The following DIP2B variants were observed in gnomAD, a reference collection of about 807,000 sequenced individuals.
DIP2B encodes the protein disco-interacting protein 2 homolog B.
DIP2B carries 76 observed loss-of-function variants against 198.0 expected under a neutral mutation model. The observed-to-expected ratio is 0.38, with a 90% CI of 0.32 to 0.46. The LOEUF (loss-of-function observed/expected upper bound fraction) is 0.46. Ranked by LOEUF, DIP2B falls within the 20% of genes least tolerant of loss-of-function variation. The probability of loss-of-function intolerance (pLI) is 0.99; values close to 1 mark genes in which losing one functional copy is unlikely to be tolerated. For missense variants in DIP2B, 1,559 were observed against 1,978.4 expected (o/e 0.79, Z 4.02); for synonymous variants, 701 against 739.1 (o/e 0.95, Z 0.84).
intron 1 of DIP2B, among the ~76,000 whole-genome samples, chr12:50,509,572 G>A (rs2139336976): frequency 6.6e-6 from 1 of 152,324 alleles, no homozygotes; most frequent in Middle Eastern, 3.4e-3. Flanking sequence ...TAGCTTTGTG[G>A]TCCTTAAAGC....
intron 1 of DIP2B, among the ~76,000 whole-genome samples, chr12:50,569,768 A>C (rs1484932210): frequency 6.6e-6 from 1 of 152,236 alleles, no homozygotes; most frequent in African/African-American, 2.4e-5. Context: ...TATAAATATC[A>C]GGTAAATATT....
chr12:50,646,622 G>A (rs760730437), intron 3 of DIP2B, among the ~76,000 whole-genome samples: 17 of 151,752 alleles, frequency 1.1e-4, no homozygotes, highest in Non-Finnish European at 2.2e-4. Context: ...AGGTTTCCCT[G>A]TGTTGGCCAG....
intron 10 of DIP2B, among the ~76,000 whole-genome samples, chr12:50,683,863 G>A (rs1939087661): frequency 6.6e-6 from 1 of 152,140 alleles, no homozygotes; most frequent in Admixed American, 6.6e-5. Context: ...TGTAATCCTA[G>A]CACTTTGGGA....
chr12:50,542,751 A>G (rs573025779), intron 1 of DIP2B, among the ~76,000 whole-genome samples: 5 of 152,234 alleles, frequency 3.3e-5, no homozygotes, highest in Non-Finnish European at 5.9e-5. Context: ...TTATGATTAC[A>G]CTGTTTCTCG....
chr12:50,544,283 G>C (rs1297316533), intron 1 of DIP2B, among the ~76,000 whole-genome samples: 1 of 151,870 alleles, frequency 6.6e-6, no homozygotes, highest in Non-Finnish European at 1.5e-5. Flanking sequence ...ACACCCAAGT[G>C]TAAACACTAA....
intron 14 of DIP2B, among the ~76,000 whole-genome samples, chr12:50,695,034 A>C (rs995438125): frequency 2.6e-5 from 4 of 152,152 alleles, no homozygotes; most frequent in Admixed American, 6.5e-5. Flanking sequence ...GATTGGAAGG[A>C]TATCTGTCAA....
In DIP2B at chr12:50,664,714, A is replaced by T. The variant is rs541404486; in HGVS notation, c.427+4395A>T. On this transcript the variant is annotated intron_variant, in intron 4 of 37. Coordinates refer to ENST00000301180, the MANE Select transcript of DIP2B (RefSeq NM_173602.3). Reference sequence around the variant, plus strand: ...AGACCACATAATGACCCTAAAGCACAGTAAGCTATTTCAACTAGCTTAAAT... The same window carrying T: ...AGACCACATAATGACCCTAAAGCACTGTAAGCTATTTCAACTAGCTTAAAT... 3.7e-4 allele frequency among the ~76,000 whole-genome samples: 57 copies of T among 152,270 alleles called. No homozygotes were observed. The East Asian group carries it at 6.6e-3, about 18-fold the overall frequency.
chr12:50,675,486 TA>T, intron 7 of DIP2B, 38 bp downstream of exon 7: 1 of 1,583,304 alleles, frequency 6.3e-7, no homozygotes, highest in Non-Finnish European at 8.6e-7. Flanking sequence ...ATTCATTAAA[TA>T]AATATATCTT....
At chr12:50,564,492 C>T (rs187016304) in intron 1 of DIP2B, among the ~76,000 whole-genome samples, 1 of 152,292 alleles carries the variant, frequency 6.6e-6, no homozygotes, top group Non-Finnish European at 1.5e-5. Flanking sequence ...GTTTATCCAG[C>T]TTTCTAATTG....
At chr12:50,586,294 T>C (rs1216330316) in intron 1 of DIP2B, among the ~76,000 whole-genome samples, 1 of 152,134 alleles carries the variant, frequency 6.6e-6, no homozygotes, top group Non-Finnish European at 1.5e-5. Context: ...TAGAATGGAT[T>C]GGAGGAGACA....
chr12:50,642,230 A>C (rs1320258405), intron 3 of DIP2B, among the ~76,000 whole-genome samples: 1 of 152,226 alleles, frequency 6.6e-6, no homozygotes, highest in African/African-American at 2.4e-5. Context: ...CATGGCAGAC[A>C]AACAAGAGTT....
At chr12:50,664,075 G>T (rs761831716) in intron 4 of DIP2B, among the ~76,000 whole-genome samples, 1 of 151,988 alleles carries the variant, frequency 6.6e-6, no homozygotes. Flanking sequence ...CTGGTTTCTG[G>T]GATAACTTCT....
chr12:50,571,141 CAA>C (rs1373831335), intron 1 of DIP2B, among the ~76,000 whole-genome samples: 1 of 147,972 alleles, frequency 6.8e-6, no homozygotes, highest in Non-Finnish European at 1.5e-5. Flanking sequence ...GGGAAGGTCT[CAA>C]AGAGAATATG....
intron 5 of DIP2B, among the ~76,000 whole-genome samples, chr12:50,671,983 G>T (rs981319939): frequency 2.0e-5 from 3 of 152,106 alleles, no homozygotes; most frequent in African/African-American, 4.8e-5. Context: ...TTTATGTTTT[G>T]TGTGTGTGTT....
intron 1 of DIP2B, among the ~76,000 whole-genome samples, chr12:50,561,918 A>C (rs1565825155): frequency 6.6e-6 from 1 of 152,308 alleles, no homozygotes; most frequent in African/African-American, 2.4e-5. Flanking sequence ...CTGTTCTACC[A>C]TCTCTTTTAT....
intron 23 of DIP2B, among the ~76,000 whole-genome samples, chr12:50,716,778 C>T (rs1939725479): frequency 6.6e-6 from 1 of 152,044 alleles, no homozygotes. Context: ...GTTTTATCAT[C>T]TTTTTGCCAT....
At chr12:50,634,586 G>T (rs1938123743) in intron 2 of DIP2B, among the ~76,000 whole-genome samples, 1 of 152,120 alleles carries the variant, frequency 6.6e-6, no homozygotes, top group African/African-American at 2.4e-5. Flanking sequence ...CTACTTAGGG[G>T]TTTGTTCAAT....
intron 28 of DIP2B, among the ~76,000 whole-genome samples, 192 bp downstream of exon 28, chr12:50,725,078 T>C (rs1430310465): frequency 6.6e-6 from 1 of 152,216 alleles, no homozygotes; most frequent in African/African-American, 2.4e-5. Flanking sequence ...CAGATCACAG[T>C]CTGCTAAGAG....
intron 8 of DIP2B, chr12:50,680,375 T>A: frequency 4.4e-6 from 1 of 228,680 alleles, no homozygotes; most frequent in Non-Finnish European, 8.4e-6. Context: ...TCAAATTATT[T>A]CTAAGGATAT....
Sources: allele counts gnomAD v4.1 joint callset (sites outside exome capture counted in the v4.1 genomes callset), GRCh38; gene constraint gnomAD v4.1.1; transcripts MANE v1.5; gene names NCBI Gene and HGNC (gene_info 2026-07-23, HGNC 2026-07-21).